The following PARM1 variants were observed in gnomAD, a reference collection of about 807,000 sequenced individuals.
The protein encoded by PARM1 is WSC4, cell wall integrity and stress response component 4 homolog.
PARM1 carries 14 observed loss-of-function variants against 24.6 expected under a neutral mutation model. That is an observed-to-expected ratio of 0.57 (90% CI 0.38 to 0.89). PARM1 has a LOEUF of 0.89. Among genes scored for constraint, PARM1 ranks in the 40% least tolerant of loss-of-function variants. PARM1 has a pLI of 0.00. For missense variants in PARM1, 362 were observed against 380.4 expected, an observed-to-expected ratio of 0.95 and a Z score of 0.40; for synonymous variants, 179 against 156.6, an observed-to-expected ratio of 1.14 and a Z score of -1.07.
intron 2 of PARM1, among the ~76,000 whole-genome samples, chr4:75,031,449 T>C (rs1004865593): frequency 6.6e-6 from 1 of 151,850 alleles, no homozygotes; most frequent in African/African-American, 2.4e-5. Flanking sequence ...AAGAGCCCCA[T>C]TTGAAGATTG....
At chr4:74,978,721 C>T (rs1196343151) in intron 1 of PARM1, among the ~76,000 whole-genome samples, 1 of 152,128 alleles carries the variant, frequency 6.6e-6, no homozygotes, top group Non-Finnish European at 1.5e-5. Flanking sequence ...TAGTAAAACA[C>T]TTCTCAGCAA....
intron 2 of PARM1, among the ~76,000 whole-genome samples, chr4:75,020,395 T>C (rs1419962253): frequency 6.6e-6 from 1 of 152,190 alleles, no homozygotes; most frequent in Non-Finnish European, 1.5e-5. Context: ...CTGTTGATTT[T>C]GAACTCTTGG....
intron 1 of PARM1, among the ~76,000 whole-genome samples, chr4:75,006,307 G>A (rs970884681): frequency 2.7e-5 from 3 of 110,058 alleles, no homozygotes; most frequent in African/African-American, 3.7e-5. Flanking sequence ...CCCACCCTAC[G>A]GCAGGCCCCG....
At chr4:75,026,831 T>C (rs921337399) in intron 2 of PARM1, among the ~76,000 whole-genome samples, 2 of 152,204 alleles carry the variant, frequency 1.3e-5, no homozygotes, top group African/African-American at 4.8e-5. Context: ...CCTTTGTTCA[T>C]GCTAATTTAC....
At chr4:74,999,766 G>A (rs1722642430) in intron 1 of PARM1, among the ~76,000 whole-genome samples, 2 of 152,128 alleles carry the variant, frequency 1.3e-5, no homozygotes, top group South Asian at 4.1e-4. Flanking sequence ...GATAAAGGCA[G>A]GCCAGGTTTT....
rs202183240 is a variant in PARM1 at position 74,971,448 on chromosome 4, AT to A, written c.43+38087del. Among the ~76,000 whole-genome samples the A allele has an allele frequency of 6.0e-3, 905 of 151,696 alleles. 8 individuals carry two copies. The highest frequency in any genetic ancestry group is 0.02 in the Middle Eastern group (6 of 294). On this transcript the variant is annotated intron_variant, in intron 1 of 3. Transcript: ENST00000307428. ...TGGGGATACAGCCAAATCATATCAG[AT>A]TTTTTTTTAAGCTTTTGTTTTTGCT...
At chr4:74,988,627 T>C (rs1172644999) in intron 1 of PARM1, among the ~76,000 whole-genome samples, 3 of 152,114 alleles carry the variant, frequency 2.0e-5, no homozygotes, top group Non-Finnish European at 4.4e-5. Context: ...GTTATAAAAG[T>C]GTAAAAGAGA....
intron 2 of PARM1, among the ~76,000 whole-genome samples, chr4:75,028,128 A>G (rs1723215624): frequency 6.6e-6 from 1 of 152,210 alleles, no homozygotes; most frequent in Non-Finnish European, 1.5e-5. Flanking sequence ...AGCTCATAGA[A>G]CAGTCCCTGG....
intron 1 of PARM1, among the ~76,000 whole-genome samples, chr4:74,993,174 G>T (rs573122735): frequency 2.6e-5 from 4 of 152,188 alleles, no homozygotes; most frequent in Non-Finnish European, 4.4e-5. Context: ...GTTTCTTCCT[G>T]CTTGCTTGCT....
chr4:74,948,337 G>A (rs73826592), intron 1 of PARM1, among the ~76,000 whole-genome samples: 1 of 152,128 alleles, frequency 6.6e-6, no homozygotes, highest in Non-Finnish European at 1.5e-5. Context: ...TCATGTAAAC[G>A]TTAGTCCCCT....
chr4:74,933,356 G>C lies in PARM1; in HGVS notation c.29G>C (p.Cys10Ser). 1.2e-6 allele frequency: 2 copies of C among 1,612,808 alleles called. No homozygotes were observed. Among genetic ancestry groups the C allele is most frequent in the Non-Finnish European group, 1.7e-6 (2 of 1,179,492 alleles). Residue 10 changes from cysteine to serine, a missense_variant, in exon 1 of 4, where the codon TGC becomes TCC. Cys to Ser is a moderately radical substitution (Grantham distance 112). Coordinates refer to ENST00000307428, the MANE Select transcript of PARM1 (RefSeq NM_015393.4). Reference protein sequence around the residue: MVYKTLFALCILTAGWRVQS... With the variant: MVYKTLFALSILTAGWRVQS... ...GTCTACAAGACTCTCTTCGCTCTTTGCATCTTAACTGCAGGTAATTGGCGC... is the reference window on the plus strand; with the variant it reads ...GTCTACAAGACTCTCTTCGCTCTTTCCATCTTAACTGCAGGTAATTGGCGC...
chr4:75,019,531 A>G (rs1297649736), intron 2 of PARM1, among the ~76,000 whole-genome samples: 2 of 152,218 alleles, frequency 1.3e-5, no homozygotes, highest in African/African-American at 4.8e-5. Flanking sequence ...GTATTTATCC[A>G]GTATGAGCGA....
intron 1 of PARM1, among the ~76,000 whole-genome samples, chr4:74,968,986 G>C (rs1464376210): frequency 6.6e-6 from 1 of 152,196 alleles, no homozygotes; most frequent in Non-Finnish European, 1.5e-5. Flanking sequence ...GTTTGCCAGG[G>C]TGGTTTATGT....
At chr4:74,959,045 A>C (rs1373304900) in intron 1 of PARM1, among the ~76,000 whole-genome samples, 1 of 152,202 alleles carries the variant, frequency 6.6e-6, no homozygotes, top group Non-Finnish European at 1.5e-5. Context: ...GTGTTGTCCA[A>C]CTTATTAGTC....
chr4:74,978,136 T>C (rs1722172907), intron 1 of PARM1, among the ~76,000 whole-genome samples: 1 of 152,210 alleles, frequency 6.6e-6, no homozygotes, highest in East Asian at 1.9e-4. Context: ...TAAATGTAAA[T>C]GGGCTAAATG....
chr4:75,032,070 A>G (rs1003684877), intron 2 of PARM1, among the ~76,000 whole-genome samples: 3 of 152,208 alleles, frequency 2.0e-5, no homozygotes, highest in African/African-American at 7.2e-5. Flanking sequence ...ATTCAGTGCC[A>G]TAATTCTGTC....
At chr4:75,040,028 C>T (rs1281373011) in intron 3 of PARM1, among the ~76,000 whole-genome samples, 1 of 152,214 alleles carries the variant, frequency 6.6e-6, no homozygotes, top group Non-Finnish European at 1.5e-5. Context: ...GCATTCTCTA[C>T]CAGTTTTCTC....
At chr4:74,938,648 A>G (rs1434964649) in intron 1 of PARM1, among the ~76,000 whole-genome samples, 1 of 152,190 alleles carries the variant, frequency 6.6e-6, no homozygotes, top group Non-Finnish European at 1.5e-5. Context: ...ATTTGTGTAT[A>G]TAGTTCATGA....
At chr4:74,996,602 G>C (rs2109783586) in intron 1 of PARM1, among the ~76,000 whole-genome samples, 1 of 152,170 alleles carries the variant, frequency 6.6e-6, no homozygotes, top group Non-Finnish European at 1.5e-5. Flanking sequence ...TGGGAGCTGG[G>C]GCTCATTTGA....
Sources: gnomAD v4.1 joint callset for allele counts (sites outside exome capture counted in the v4.1 genomes callset) on GRCh38, gnomAD v4.1.1 for gene constraint, MANE v1.5 for transcripts, NCBI Gene and HGNC (gene_info 2026-07-23, HGNC 2026-07-21) for gene names.